UBQLN1: variants seen among roughly 807,000 people sequenced by gnomAD.
UBQLN1 encodes the protein ubiquilin-1.
A neutral mutation model predicts 65.4 loss-of-function variants in UBQLN1; 13 were observed. The observed-to-expected ratio is 0.20, with a 90% CI of 0.13 to 0.32. The LOEUF (loss-of-function observed/expected upper bound fraction) is 0.32. Ranked by LOEUF, UBQLN1 falls within the 10% of genes least tolerant of loss-of-function variation. The pLI, the probability that UBQLN1 is intolerant of heterozygous loss-of-function variation, is 1.00. For missense variants in UBQLN1, 561 were observed against 724.0 expected (o/e 0.77, Z 2.58); for synonymous variants, 267 against 247.8 (o/e 1.08, Z -0.73).
At position 83,661,891 on chromosome 9, in the gene UBQLN1, C is replaced by T; in HGVS notation, c.1666G>A (p.Ala556Thr). The T allele has an allele frequency of 2.5e-6, 4 of 1,613,918 alleles. No individual in the cohort carries two copies. The highest frequency in any genetic ancestry group is 2.5e-6 in the Non-Finnish European group (3 of 1,179,922). Residue 556 changes from alanine to threonine, a missense_variant, in exon 11 of 11, where the codon GCA becomes ACA. Physicochemically the swap from Ala to Thr is moderately conservative, Grantham distance 58 (BLOSUM62 0). Around this residue, in one of 8 missense-constraint regions of UBQLN1, gnomAD observed 21 missense variants for 55.7 expected, o/e 0.38. Coordinates refer to ENST00000376395, the MANE Select transcript of UBQLN1 (RefSeq NM_013438.5). ...GCTTCACGGTTCAAAAATCCCATTG[C>T]ACTGAGTTGTTCCAGTTGTTGCTGA... ...RFQQQLEQLS[A>T]MGFLNREANL... is the part of the protein sequence containing the mutation.
At chr9:83,667,908 A>G in intron 7 of UBQLN1, 1 of 975,770 alleles carries the variant, frequency 1.0e-6, no homozygotes, top group South Asian at 4.8e-5. Context: ...AGTACTAGCA[A>G]CATTTTGTTT....
chr9:83,702,606 T>A (rs1300835060), intron 1 of UBQLN1, among the ~76,000 whole-genome samples: 2 of 152,204 alleles, frequency 1.3e-5, no homozygotes, highest in Admixed American at 1.3e-4. Context: ...ATCTGCAAAA[T>A]ACTATTTCAA....
chr9:83,678,237 G>A (rs756458336), intron 5 of UBQLN1, among the ~76,000 whole-genome samples: 119 of 152,050 alleles, frequency 7.8e-4, no homozygotes, highest in Non-Finnish European at 1.3e-3. Flanking sequence ...TAGCCAGGAT[G>A]GTCTTGATCT....
chr9:83,679,238 T>C (rs1400167493), intron 4 of UBQLN1, among the ~76,000 whole-genome samples: 4 of 152,202 alleles, frequency 2.6e-5, no homozygotes, highest in African/African-American at 9.7e-5. Flanking sequence ...AACTTCGAAA[T>C]GACCCATCTG....
At chr9:83,693,006 GA>G (rs1451476883) in intron 1 of UBQLN1, among the ~76,000 whole-genome samples, 1 of 152,134 alleles carries the variant, frequency 6.6e-6, no homozygotes, top group African/African-American at 2.4e-5. Flanking sequence ...AACTCAAAAT[GA>G]AAGATACATG....
chr9:83,707,078 C>G (rs548211749), intron 1 of UBQLN1, among the ~76,000 whole-genome samples: 1 of 152,268 alleles, frequency 6.6e-6, no homozygotes, highest in African/African-American at 2.4e-5. Flanking sequence ...TCCCACCCAC[C>G]CCTTTTTAAT....
At position 83,669,266 on chromosome 9, in the gene UBQLN1, T is replaced by C; in HGVS notation, c.1167A>G (p.Gln389=). The C allele has an allele frequency of 1.2e-6, 2 of 1,612,660 alleles. No homozygotes were observed. The highest frequency in any genetic ancestry group is 2.2e-5 in the South Asian group (2 of 90,772). ...GGGCAGACAACATGTTTTGCATCAG[T>C]TGTGGGTTTTCAGTTATTTGTTGCA... ...SLLQQITENP[Q]LMQNMLSAPY... is the part of the protein sequence containing the mutation. Residue 389 remains glutamine, a synonymous_variant, in exon 7 of 11, where the codon CAA becomes CAG. Transcript: ENST00000376395.
intron 1 of UBQLN1, among the ~76,000 whole-genome samples, chr9:83,706,294 T>C (rs1043269428): frequency 6.6e-6 from 1 of 152,242 alleles, no homozygotes; most frequent in Non-Finnish European, 1.5e-5. Context: ...TTGTAGATGA[T>C]GGACATATGT....
chr9:83,707,263 G>T (rs1378741799), intron 1 of UBQLN1, among the ~76,000 whole-genome samples: 1 of 152,098 alleles, frequency 6.6e-6, no homozygotes, highest in East Asian at 1.9e-4. Flanking sequence ...GAGAAGGAAG[G>T]CTCCGAGAAA....
intron 1 of UBQLN1, among the ~76,000 whole-genome samples, chr9:83,699,204 T>C (rs1832271127): frequency 1.3e-5 from 2 of 152,212 alleles, no homozygotes; most frequent in South Asian, 4.1e-4. Context: ...TGAATGTACT[T>C]AATGTCACTG....
chr9:83,665,901 G>A (rs1438366934), intron 8 of UBQLN1, among the ~76,000 whole-genome samples: 17 of 149,334 alleles, frequency 1.1e-4, no homozygotes, highest in East Asian at 1.0e-3. Flanking sequence ...TACTAATCCC[G>A]AGTTTGAGGA....
At position 83,661,401 on chromosome 9, in the gene UBQLN1, C is replaced by A; in HGVS notation, c.*386G>T. ...AAAGTCACAATAAGCAATACTGTAC[C>A]ACAAATTATAGAGTGCAAATGATTT... On this transcript the variant is annotated 3_prime_UTR_variant, in exon 11 of 11. Transcript: ENST00000376395. 1 of 169,038 alleles carries A rather than the reference C, an allele frequency of 5.9e-6. No individual in the cohort carries two copies. The allele number at this position is 169,038 out of a possible 1,614,324, so 10.5% of individuals were successfully genotyped here. A position where few individuals can be genotyped will look rare whatever the true frequency, so the allele number is the denominator to read the frequency against.
chr9:83,685,915 G>T (rs1832032944), intron 2 of UBQLN1, 89 bp downstream of exon 2: 1 of 1,166,372 alleles, frequency 8.6e-7, no homozygotes, highest in Non-Finnish European at 1.2e-6. Context: ...TTAATGACAG[G>T]GAAAGTAATT....
intron 1 of UBQLN1, among the ~76,000 whole-genome samples, chr9:83,706,552 T>C (rs566348115): frequency 6.1e-4 from 93 of 152,370 alleles, no homozygotes; most frequent in African/African-American, 2.2e-3. Flanking sequence ...GAATTGTTGT[T>C]TCCTGTCACC....
chr9:83,666,535 A>G, intron 7 of UBQLN1, 102 bp from the exon 8 acceptor site: 2 of 1,054,226 alleles, frequency 1.9e-6, no homozygotes, highest in Middle Eastern at 2.1e-4. Flanking sequence ...CTGGCACTTA[A>G]AAGGGAGGAA....
intron 9 of UBQLN1, among the ~76,000 whole-genome samples, chr9:83,664,744 T>G (rs1240383729): frequency 5.3e-5 from 8 of 150,806 alleles, no homozygotes; most frequent in Admixed American, 2.0e-4. Context: ...CTAAAAACAG[T>G]AACAACAACA....
intron 9 of UBQLN1, among the ~76,000 whole-genome samples, chr9:83,664,392 C>G (rs1831609369): frequency 6.6e-6 from 1 of 152,122 alleles, no homozygotes; most frequent in East Asian, 1.9e-4. Flanking sequence ...GCACTCCAGT[C>G]TGCTCGATGG....
At chr9:83,686,353 C>T (rs796954152) in intron 1 of UBQLN1, among the ~76,000 whole-genome samples, 198 bp from the exon 2 acceptor site, 17 of 152,214 alleles carry the variant, frequency 1.1e-4, no homozygotes, top group African/African-American at 4.1e-4. Flanking sequence ...TATCACACCA[C>T]TGCACTCCAG....
intron 9 of UBQLN1, 144 bp from the exon 10 acceptor site, chr9:83,664,187 C>T (rs536127457): frequency 5.8e-5 from 44 of 762,060 alleles, no homozygotes; most frequent in Middle Eastern, 4.0e-4. Flanking sequence ...TCTGGGAGAC[C>T]GATGATCCCA....
Sources: gnomAD v4.1 joint callset for allele counts (sites outside exome capture counted in the v4.1 genomes callset) on GRCh38, gnomAD v4.1.1 for gene constraint, gnomAD v4.1.1 regional missense constraint, MANE v1.5 for transcripts, NCBI Gene and HGNC (gene_info 2026-07-23, HGNC 2026-07-21) for gene names.